EGFL6: variants seen among roughly 807,000 people sequenced by gnomAD.
EGFL6 encodes the protein epidermal growth factor-like protein 6.
A neutral mutation model predicts 43.1 loss-of-function variants in EGFL6; 42 were observed. The ratio of observed to expected loss-of-function variants is 0.98; its 90% CI spans 0.76 to 1.26. The LOEUF is 1.26. Among genes scored for constraint, EGFL6 ranks in the 50% most tolerant of loss-of-function variants. The pLI, the probability that EGFL6 is intolerant of heterozygous loss-of-function variation, is 0.00. For synonymous variants in EGFL6, 164 were observed against 163.2 expected (o/e 1.01, Z -0.04); for missense variants, 429 against 427.8 (o/e 1.00, Z -0.02).
At chrX:13,595,027 T>G (rs1016265255) in intron 3 of EGFL6, 99 bp downstream of exon 3, 6 of 529,259 alleles carry the variant, frequency 1.1e-5, no homozygotes, top group Non-Finnish European at 1.7e-5. Flanking sequence ...TTTTTTAAAG[T>G]CAAATCTTCA....
chrX:13,597,752 G>C (rs915415918), intron 3 of EGFL6, among the ~76,000 whole-genome samples: 12 of 110,014 alleles, frequency 1.1e-4, no homozygotes, highest in Admixed American at 9.6e-4. Flanking sequence ...CCACTGCACT[G>C]CAGCCTGGGC....
chrX:13,616,713 C>T (rs921856240), intron 7 of EGFL6, among the ~76,000 whole-genome samples: 2 of 112,439 alleles, frequency 1.8e-5, no homozygotes, highest in African/African-American at 3.2e-5. Context: ...TTGGGCAAGT[C>T]ACTTAACACC....
At chrX:13,628,963 G>A (rs930914650) in intron 11 of EGFL6, among the ~76,000 whole-genome samples, 1 of 113,007 alleles carries the variant, frequency 8.8e-6, no homozygotes, top group African/African-American at 3.2e-5. Flanking sequence ...GCTTGTGAAA[G>A]ATGACTAATG....
chrX:13,619,975 G>A (rs988697010), intron 9 of EGFL6, among the ~76,000 whole-genome samples: 1 of 111,820 alleles, frequency 8.9e-6, no homozygotes, highest in Non-Finnish European at 1.9e-5. Context: ...ATATTTTGAG[G>A]TCTAGGCCCA....
intron 11 of EGFL6, among the ~76,000 whole-genome samples, chrX:13,632,297 G>GT (rs1158372735): frequency 0.028 from 2,300 of 80,963 alleles, 44 homozygotes; most frequent in African/African-American, 0.048. Context: ...TTGTTTTTTG[G>GT]TTTTTTTTTT....
intron 1 of EGFL6, among the ~76,000 whole-genome samples, chrX:13,571,621 G>A (rs1010140700): frequency 9.0e-6 from 1 of 111,704 alleles, no homozygotes; most frequent in Non-Finnish European, 1.9e-5. Flanking sequence ...TAAATTAAAA[G>A]CCAAAAGCCC....
chrX:13,622,439 A>G (rs1489279476), intron 9 of EGFL6, among the ~76,000 whole-genome samples: 2 of 112,125 alleles, frequency 1.8e-5, no homozygotes, highest in Admixed American at 1.9e-4. Flanking sequence ...TGAGTCAAGA[A>G]TCAGCTGCTG....
rs1394778299 is a variant in EGFL6 at position 13,577,337 on chromosome X, T to C, written c.74+7402T>C. ...ATATATATATATATATATATATATA[T>C]ATATACATACACACACACACATACA... On this transcript the variant is annotated intron_variant, in intron 1 of 11. Coordinates refer to ENST00000361306, the MANE Select transcript of EGFL6 (RefSeq NM_015507.4). Among the ~76,000 whole-genome samples, 22 of 14,478 alleles carry C rather than the reference T, an allele frequency of 1.5e-3. 1 individual carries two copies. The highest frequency in any genetic ancestry group is 4.9e-3 in the African/African-American group (21 of 4,245). 12.6% of individuals were successfully genotyped at this position (14,478 alleles called of 115,157 possible).
intron 3 of EGFL6, 72 bp downstream of exon 3, chrX:13,595,000 G>A (rs187665610): frequency 1.4e-5 from 11 of 796,123 alleles, no homozygotes; most frequent in African/African-American, 4.1e-5. Flanking sequence ...AATATGGTAC[G>A]CAGGATTTCT....
chrX:13,580,697 G>A (rs1207697498), intron 1 of EGFL6, among the ~76,000 whole-genome samples: 1 of 111,373 alleles, frequency 9.0e-6, no homozygotes, highest in East Asian at 2.8e-4. Context: ...TTTTTCTTTT[G>A]CTCCCTCTAG....
chrX:13,583,247 A>AT (rs758216202), intron 1 of EGFL6, among the ~76,000 whole-genome samples: 2 of 110,418 alleles, frequency 1.8e-5, no homozygotes, highest in South Asian at 7.8e-4. Context: ...GGCACAGGCT[A>AT]TTTTTTCTGC....
At chrX:13,572,943 A>T (rs1001049656) in intron 1 of EGFL6, among the ~76,000 whole-genome samples, 3 of 112,231 alleles carry the variant, frequency 2.7e-5, no homozygotes, top group African/African-American at 6.5e-5. Flanking sequence ...GGCTCCAGGG[A>T]GGTTCCATTT....
At chrX:13,623,775 C>A in intron 9 of EGFL6, 49 bp from the exon 10 acceptor site, 2 of 1,047,458 alleles carry the variant, frequency 1.9e-6, no homozygotes, top group Non-Finnish European at 2.7e-6. Flanking sequence ...TGTTAGACAC[C>A]TTCCTAATGC....
intron 7 of EGFL6, among the ~76,000 whole-genome samples, chrX:13,615,645 T>G (rs1191813136): frequency 8.9e-6 from 1 of 112,554 alleles, no homozygotes; most frequent in Non-Finnish European, 1.9e-5. Context: ...CTTGTTGGTT[T>G]TCTACCTATA....
intron 11 of EGFL6, among the ~76,000 whole-genome samples, chrX:13,630,662 A>G (rs963785382): frequency 2.7e-5 from 3 of 112,429 alleles, no homozygotes; most frequent in African/African-American, 9.7e-5. Context: ...ACTCAGATTG[A>G]GAGCAAAAGA....
chrX:13,580,528 G>T (rs1196916024), intron 1 of EGFL6, among the ~76,000 whole-genome samples: 1 of 111,403 alleles, frequency 9.0e-6, no homozygotes, highest in African/African-American at 3.3e-5. Context: ...GACAGGTGGG[G>T]TTCTTCCTCC....
chrX:13,595,230 A>C (rs764858580), intron 3 of EGFL6, among the ~76,000 whole-genome samples: 3 of 111,219 alleles, frequency 2.7e-5, no homozygotes, highest in Admixed American at 9.6e-5. Flanking sequence ...CACAGAAAAA[A>C]AGAGCCTTTT....
chrX:13,569,829 G>T lies in EGFL6; in HGVS notation c.-33G>T. On this transcript the variant is annotated 5_prime_UTR_variant, in exon 1 of 12. Transcript: ENST00000361306. ...GTCCGGCCGGCGCCCTCCCGAGGGG[G>T]GCTCAGGAGGAGGAAGGAGGACCCG... The T allele has an allele frequency of 2.5e-6, 3 of 1,199,655 alleles. No homozygotes were observed. The highest frequency in any genetic ancestry group is 1.7e-5 in the African/African-American group (1 of 57,815).
intron 9 of EGFL6, 147 bp from the exon 10 acceptor site, chrX:13,623,677 G>C: frequency 2.4e-6 from 1 of 425,234 alleles, no homozygotes; most frequent in Non-Finnish European, 4.0e-6. Flanking sequence ...TGTTCAGAAT[G>C]GCTTCACAGA....
Sources: gnomAD v4.1 joint callset for allele counts (sites outside exome capture counted in the v4.1 genomes callset) on GRCh38, gnomAD v4.1.1 for gene constraint, MANE v1.5 for transcripts, NCBI Gene and HGNC (gene_info 2026-07-23, HGNC 2026-07-21) for gene names.